Variants in KSR2 observed in about 807,000 individuals in gnomAD.
The protein encoded by KSR2 is kinase suppressor of ras 2.
In KSR2, 25 loss-of-function variants were observed where a neutral mutation model predicts 107.8. The ratio of observed to expected loss-of-function variants is 0.23; its 90% CI spans 0.17 to 0.32. The LOEUF is 0.32. Among genes scored for constraint, KSR2 ranks in the 10% least tolerant of loss-of-function variants. KSR2 has a pLI of 1.00. For missense variants in KSR2, 887 were observed against 1,268.9 expected, an observed-to-expected ratio of 0.70 and a Z score of 4.57; for synonymous variants, 480 against 507.0, an observed-to-expected ratio of 0.95 and a Z score of 0.71.
chr12:117,549,330 A>G (rs1444939595), intron 9 of KSR2, among the ~76,000 whole-genome samples: 1 of 152,210 alleles, frequency 6.6e-6, no homozygotes, highest in Non-Finnish European at 1.5e-5. Flanking sequence ...CGAGGAAAAG[A>G]AAGTCAGGCA....
intron 9 of KSR2, among the ~76,000 whole-genome samples, chr12:117,545,726 G>C (rs542929076): frequency 2.0e-5 from 3 of 151,954 alleles, no homozygotes; most frequent in African/African-American, 7.3e-5. Context: ...TATTTTTCCT[G>C]CCTTCCTGTG....
intron 5 of KSR2, among the ~76,000 whole-genome samples, chr12:117,590,063 G>A (rs866043141): frequency 4.6e-5 from 7 of 152,204 alleles, no homozygotes; most frequent in South Asian, 2.1e-4. Flanking sequence ...ATTCTTGATG[G>A]AAGAGATCAT....
intron 4 of KSR2, among the ~76,000 whole-genome samples, chr12:117,703,741 T>C (rs1886414459): frequency 6.6e-6 from 1 of 152,224 alleles, no homozygotes; most frequent in East Asian, 1.9e-4. Context: ...GCAAACAGAC[T>C]CCATAAATAC....
intron 5 of KSR2, among the ~76,000 whole-genome samples, chr12:117,603,624 T>C (rs967905223): frequency 2.0e-5 from 3 of 152,156 alleles, no homozygotes; most frequent in Admixed American, 6.5e-5. Context: ...TGGGATGAAA[T>C]AGAAGTTTAG....
chr12:117,963,731 C>T (rs1320580784), intron 1 of KSR2, among the ~76,000 whole-genome samples: 1 of 152,204 alleles, frequency 6.6e-6, no homozygotes, highest in Admixed American at 6.5e-5. Flanking sequence ...AGTTGGATCC[C>T]AGAAGTTAGT....
Position 117,467,251 on chromosome 12 carries a change from C to G in KSR2, c.2847-46G>C, listed in dbSNP as rs190363813. ...AGAGAGTGGTGAGAGGTCACAAGGA[C>G]ATGATGATGTCATCCGTTGTGAATG... On this transcript the variant is annotated intron_variant, in intron 19 of 19. Coordinates refer to ENST00000339824, the MANE Select transcript of KSR2 (RefSeq NM_173598.6). 294 of 701,480 alleles carry G rather than the reference C, an allele frequency of 4.2e-4. 1 individual carries two copies. In the African/African-American group the frequency reaches 5.0e-3, roughly 12 times the overall value. 43.5% of individuals were successfully genotyped at this position (701,480 alleles called of 1,614,324 possible).
chr12:117,825,987 GTGGGTGGA>G (rs1346541873), intron 3 of KSR2, among the ~76,000 whole-genome samples: 1 of 147,832 alleles, frequency 6.8e-6, no homozygotes, highest in Non-Finnish European at 1.5e-5. Context: ...GGGTGAACAG[GTGGGTGGA>G]TGGGTGGGTG....
intron 14 of KSR2, among the ~76,000 whole-genome samples, chr12:117,499,460 C>T (rs949906883): frequency 6.6e-6 from 1 of 152,184 alleles, no homozygotes; most frequent in Admixed American, 6.5e-5. Context: ...AAACCAGACA[C>T]ATATGTTTAT....
At chr12:117,616,474 C>T (rs1328177795) in intron 5 of KSR2, among the ~76,000 whole-genome samples, 1 of 152,186 alleles carries the variant, frequency 6.6e-6, no homozygotes, top group Non-Finnish European at 1.5e-5. Context: ...AGATGTGAGG[C>T]ACCATCCAGA....
At chr12:117,758,703 CA>C (rs1450129126) in intron 4 of KSR2, among the ~76,000 whole-genome samples, 1 of 152,224 alleles carries the variant, frequency 6.6e-6, no homozygotes, top group Non-Finnish European at 1.5e-5. Context: ...ATAAATCCTT[CA>C]GGGGTCTAGG....
intron 10 of KSR2, among the ~76,000 whole-genome samples, chr12:117,535,257 A>T (rs929884671): frequency 6.6e-6 from 1 of 152,242 alleles, no homozygotes; most frequent in African/African-American, 2.4e-5. Context: ...AATTCAGGTC[A>T]TTCATTCATT....
chr12:117,943,476 C>A (rs1896071915), intron 1 of KSR2, among the ~76,000 whole-genome samples: 3 of 131,304 alleles, frequency 2.3e-5, no homozygotes, highest in Admixed American at 8.5e-5. Context: ...AACATTCCTC[C>A]TTATGTGTCC....
At chr12:117,837,580 C>T (rs562861344) in intron 3 of KSR2, among the ~76,000 whole-genome samples, 5 of 152,076 alleles carry the variant, frequency 3.3e-5, no homozygotes, top group Non-Finnish European at 7.4e-5. Context: ...AACAATGCAG[C>T]CCTGACGCTC....
chr12:117,747,087 T>C (rs893568545), intron 4 of KSR2, among the ~76,000 whole-genome samples: 11 of 152,216 alleles, frequency 7.2e-5, no homozygotes, highest in Admixed American at 1.3e-4. Flanking sequence ...ACTGGGTATA[T>C]ACCCAAAGGA....
intron 17 of KSR2, among the ~76,000 whole-genome samples, chr12:117,472,775 C>T (rs1270473384): frequency 1.3e-5 from 2 of 152,108 alleles, no homozygotes; most frequent in Non-Finnish European, 2.9e-5. Flanking sequence ...AATAATAATG[C>T]TTATTGAGGT....
chr12:117,902,338 A>C (rs182528800), intron 1 of KSR2, among the ~76,000 whole-genome samples: 279 of 151,934 alleles, frequency 1.8e-3, no homozygotes, highest in Non-Finnish European at 3.4e-3. Flanking sequence ...CGTGTCAATA[A>C]TCCCAGCTAC....
At chr12:117,798,128 T>C (rs1302133145) in intron 3 of KSR2, among the ~76,000 whole-genome samples, 2 of 152,158 alleles carry the variant, frequency 1.3e-5, no homozygotes, top group African/African-American at 4.8e-5. Flanking sequence ...TCAAATGGGA[T>C]CTTCCTACAG....
chr12:117,896,318 A>G (rs933386016), intron 1 of KSR2, among the ~76,000 whole-genome samples: 8 of 152,244 alleles, frequency 5.3e-5, no homozygotes, highest in African/African-American at 2.4e-5. Flanking sequence ...AAATGTCTAG[A>G]AAAGATAAAT....
chr12:117,710,183 C>A (rs190123909), intron 4 of KSR2, among the ~76,000 whole-genome samples: 1 of 151,978 alleles, frequency 6.6e-6, no homozygotes, highest in Non-Finnish European at 1.5e-5. Context: ...CATTTGAATA[C>A]GGCCTCTTGC....
Sources: allele counts gnomAD v4.1 joint callset (sites outside exome capture counted in the v4.1 genomes callset), GRCh38; gene constraint gnomAD v4.1.1; transcripts MANE v1.5; gene names NCBI Gene and HGNC (gene_info 2026-07-23, HGNC 2026-07-21).